Variants in LRP1B observed in about 807,000 individuals in gnomAD.
LRP1B encodes the protein LDL receptor related protein 1B.
In LRP1B, 217 loss-of-function variants were observed where a neutral mutation model predicts 556.6. The ratio of observed to expected loss-of-function variants is 0.39; its 90% CI spans 0.35 to 0.44. LRP1B has a LOEUF of 0.44. LRP1B is among the 20% of genes least tolerant of loss of function. The pLI, the probability that LRP1B is intolerant of heterozygous loss-of-function variation, is 1.00. For missense variants in LRP1B, 5,053 were observed against 5,620.8 expected (o/e 0.90, Z 3.23); for synonymous variants, 2,047 against 1,865.8 (o/e 1.10, Z -2.50).
At chr2:140,285,119 GTA>G (rs1044071542) in intron 84 of LRP1B, among the ~76,000 whole-genome samples, 5 of 149,500 alleles carry the variant, frequency 3.3e-5, no homozygotes, top group African/African-American at 9.8e-5. Flanking sequence ...ATATGTGTGT[GTA>G]TATATATGTG....
chr2:141,147,910 T>C (rs1384398185), intron 7 of LRP1B, among the ~76,000 whole-genome samples: 3 of 152,216 alleles, frequency 2.0e-5, no homozygotes, highest in Non-Finnish European at 4.4e-5. Context: ...CGTTGTGTTA[T>C]AACTGTCTAC....
rs182369221 is a variant in LRP1B at position 140,572,294 on chromosome 2, G to T, written c.7194+26337C>A. Among the ~76,000 whole-genome samples, 80 of 149,250 alleles carry T rather than the reference G, an allele frequency of 5.4e-4. 1 individual carries two copies. In the East Asian group the frequency reaches 0.014, roughly 27 times the overall value. On this transcript the variant is annotated intron_variant, in intron 43 of 90. Transcript: ENST00000389484. ...CATAAGGAACCTAAAAAGCTCAACAGAAAAAAAAATCATTCAATTAAAAAA... is the reference window on the plus strand; with the variant it reads ...CATAAGGAACCTAAAAAGCTCAACATAAAAAAAAATCATTCAATTAAAAAA...
intron 3 of LRP1B, among the ~76,000 whole-genome samples, chr2:141,288,097 A>G (rs1431023927): frequency 6.6e-6 from 1 of 152,106 alleles, no homozygotes; most frequent in Non-Finnish European, 1.5e-5. Flanking sequence ...CTTCCAATCC[A>G]ATTGTCTATC....
rs780144765 is a variant in LRP1B at position 141,858,988 on chromosome 2, T to A, written c.83-48587A>T. On this transcript the variant is annotated intron_variant, in intron 1 of 90. Transcript: ENST00000389484. ...ACATCAGGAAAAGCCCCTGGAATACTTTCTAGCAAGGCCATCAGTCATTTA... is the reference window on the plus strand; with the variant it reads ...ACATCAGGAAAAGCCCCTGGAATACATTCTAGCAAGGCCATCAGTCATTTA... Among the ~76,000 whole-genome samples the A allele has an allele frequency of 6.2e-3, 951 of 152,222 alleles. 7 individuals are homozygous for A. The highest frequency in any genetic ancestry group is 9.1e-3 in the Non-Finnish European group (622 of 68,002).
chr2:140,432,603 T>C (rs1377750469), intron 66 of LRP1B, among the ~76,000 whole-genome samples: 1 of 152,194 alleles, frequency 6.6e-6, no homozygotes, highest in African/African-American at 2.4e-5. Context: ...TCCCTAACGA[T>C]CTGCTTCCTG....
At chr2:141,341,735 A>G (rs920442031) in intron 3 of LRP1B, among the ~76,000 whole-genome samples, 2 of 152,162 alleles carry the variant, frequency 1.3e-5, no homozygotes, top group Admixed American at 1.3e-4. Flanking sequence ...CATTCATGAG[A>G]TTATCCACAC....
chr2:140,751,932 C>T (rs111986504), intron 35 of LRP1B, among the ~76,000 whole-genome samples: 3,511 of 152,170 alleles, frequency 0.023, 55 homozygotes, highest in Middle Eastern at 0.048. Flanking sequence ...GATATATATA[C>T]GCAGTACAAT....
chr2:140,640,395 T>TTC (rs1344436459), intron 41 of LRP1B, among the ~76,000 whole-genome samples: 7 of 72,742 alleles, frequency 9.6e-5, no homozygotes, highest in Non-Finnish European at 1.8e-4. Context: ...TTTTTTTTTT[T>TTC]TTTTTTTTTT....
intron 7 of LRP1B, among the ~76,000 whole-genome samples, chr2:141,145,918 C>CTTTTTTTTTTTTTTTTT (rs1294624359): frequency 2.7e-5 from 3 of 110,172 alleles, no homozygotes; most frequent in African/African-American, 3.5e-5. Context: ...TTCTTTCTTT[C>CTTTTTTTTTTTTTTTTT]TTTCTTTTTT....
chr2:141,874,291 CTACT>C (rs1372524924), intron 1 of LRP1B, among the ~76,000 whole-genome samples: 1 of 151,628 alleles, frequency 6.6e-6, no homozygotes, highest in Non-Finnish European at 1.5e-5. Flanking sequence ...CACAATTTTA[CTACT>C]TCTGGATCAC....
chr2:140,626,081 AG>A (rs1429088007), intron 41 of LRP1B, among the ~76,000 whole-genome samples: 2 of 152,202 alleles, frequency 1.3e-5, no homozygotes, highest in African/African-American at 4.8e-5. Flanking sequence ...AAAGACATAG[AG>A]AAAACTTAAA....
chr2:141,304,396 G>T (rs1311582337), intron 3 of LRP1B, among the ~76,000 whole-genome samples: 2 of 150,910 alleles, frequency 1.3e-5, no homozygotes, highest in African/African-American at 4.9e-5. Context: ...TATAATTTTA[G>T]GTCTTTTATA....
At chr2:141,369,616 C>T (rs1182744150) in intron 3 of LRP1B, among the ~76,000 whole-genome samples, 2 of 152,074 alleles carry the variant, frequency 1.3e-5, no homozygotes, top group African/African-American at 4.8e-5. Context: ...TTTTACAATT[C>T]CAAGATAGAG....
intron 2 of LRP1B, among the ~76,000 whole-genome samples, chr2:141,543,640 G>A (rs1417637584): frequency 6.6e-6 from 1 of 151,620 alleles, no homozygotes; most frequent in African/African-American, 2.4e-5. Flanking sequence ...CAGGAGGATT[G>A]CTTGAGCCCA....
intron 66 of LRP1B, among the ~76,000 whole-genome samples, chr2:140,401,375 G>A (rs1684493205): frequency 6.6e-6 from 1 of 152,204 alleles, no homozygotes; most frequent in Non-Finnish European, 1.5e-5. Context: ...GAATCTGGGT[G>A]AGGCTTCCTG....
At chr2:141,722,738 ATAG>A (rs1692873619) in intron 2 of LRP1B, among the ~76,000 whole-genome samples, 1 of 140,954 alleles carries the variant, frequency 7.1e-6, no homozygotes, top group Non-Finnish European at 1.6e-5. Context: ...ACATAGATAG[ATAG>A]ATAGATAGAT....
chr2:140,556,815 T>A (rs1365806714), intron 43 of LRP1B, among the ~76,000 whole-genome samples: 1 of 152,102 alleles, frequency 6.6e-6, no homozygotes, highest in East Asian at 1.9e-4. Flanking sequence ...CTAAAATGTT[T>A]ACTTTACTAT....
At chr2:140,912,013 G>A (rs187331186) in intron 21 of LRP1B, among the ~76,000 whole-genome samples, 3 of 151,640 alleles carry the variant, frequency 2.0e-5, no homozygotes, top group Admixed American at 1.3e-4. Context: ...TGTCACCAGA[G>A]ATATGAATAA....
intron 1 of LRP1B, among the ~76,000 whole-genome samples, chr2:141,831,520 T>G (rs1320522995): frequency 2.0e-5 from 3 of 151,622 alleles, no homozygotes; most frequent in Non-Finnish European, 4.4e-5. Context: ...TCCTAGAACA[T>G]AAGCCTAAAT....
Sources: allele counts gnomAD v4.1 joint callset (sites outside exome capture counted in the v4.1 genomes callset), GRCh38; gene constraint gnomAD v4.1.1; transcripts MANE v1.5; gene names NCBI Gene and HGNC (gene_info 2026-07-23, HGNC 2026-07-21).